Variants in MRPL35 observed in about 807,000 individuals in gnomAD.
The protein encoded by MRPL35 is mitochondrial ribosomal protein L35.
Under a neutral mutation model 21.6 loss-of-function variants are expected in MRPL35, and 18 were observed. The ratio of observed to expected loss-of-function variants is 0.83; its 90% CI spans 0.58 to 1.24. The LOEUF is 1.24. MRPL35 is among the 50% of genes most tolerant of loss of function. MRPL35 has a pLI of 0.00. For missense variants in MRPL35, 223 were observed against 223.2 expected (o/e 1.00, Z 0.01); for synonymous variants, 87 against 86.9 (o/e 1.00, Z -0.01).
chr2:86,203,329 C>T (rs1249249719), intron 1 of MRPL35, among the ~76,000 whole-genome samples: 2 of 152,010 alleles, frequency 1.3e-5, no homozygotes, highest in Non-Finnish European at 2.9e-5. Flanking sequence ...TCGTGATCTG[C>T]CTGCCTCGGC....
chr2:86,200,201 G>T (rs771151461), intron 1 of MRPL35, among the ~76,000 whole-genome samples: 12 of 151,970 alleles, frequency 7.9e-5, no homozygotes, highest in Admixed American at 1.3e-4. Context: ...ATATTGTTAG[G>T]ATAACATTTT....
Position 86,213,139 on chromosome 2 carries a change from C to CT in MRPL35, c.*2472dup. 1 of 986,316 alleles carries CT rather than the reference C, an allele frequency of 1.0e-6. No homozygotes were observed. The highest frequency in any genetic ancestry group is 1.2e-6 in the Non-Finnish European group (1 of 830,564). 61.1% of individuals were successfully genotyped at this position (986,316 alleles called of 1,614,324 possible). A position where few individuals can be genotyped will look rare whatever the true frequency, so the allele number is the denominator to read the frequency against. ...ACTCCTTGGGATCCTGTGTATTTCC[C>CT]TGAGTCTTCTAACATATGAAAATTC... On this transcript the variant is annotated 3_prime_UTR_variant, in exon 4 of 4. Transcript: ENST00000337109.
At chr2:86,208,718 G>A (rs962199855) in intron 3 of MRPL35, among the ~76,000 whole-genome samples, 2 of 151,976 alleles carry the variant, frequency 1.3e-5, no homozygotes, top group Non-Finnish European at 2.9e-5. Context: ...CTGGGCTCTG[G>A]GGCCCTCATG....
Position 86,212,608 on chromosome 2 carries a change from G to A in MRPL35, c.*1940G>A. The stretch of plus-strand genomic sequence containing the variant: ...ATGGATGACAAGGGTCTCTGTTACA[G>A]GGGCCTCAGAGCACCTTCGTTTCTC... On this transcript the variant is annotated 3_prime_UTR_variant, in exon 4 of 4. Coordinates refer to ENST00000337109, the MANE Select transcript of MRPL35 (RefSeq NM_016622.4). 7.1e-7 allele frequency: 1 copy of A among 1,417,772 alleles called. No homozygotes were observed. Among genetic ancestry groups the A allele is most frequent in the Non-Finnish European group, 9.2e-7 (1 of 1,087,624 alleles). 87.8% of individuals were successfully genotyped at this position (1,417,772 alleles called of 1,614,324 possible). A position where few individuals can be genotyped will look rare whatever the true frequency, so the allele number is the denominator to read the frequency against.
rs1673953665 is a variant in MRPL35, at chr2:86,213,458, T to C, written c.*2790T>C. The C allele has an allele frequency of 4.5e-6, 6 of 1,335,436 alleles. No individual in the cohort carries two copies. The highest frequency in any genetic ancestry group is 5.8e-6 in the Non-Finnish European group (6 of 1,037,520). 82.7% of individuals were successfully genotyped at this position (1,335,436 alleles called of 1,614,324 possible). ...TTTTGTCAAACATAGAATACAGGAC[T>C]AAAAATGCAAAGAAATTGGGTCTGT... On this transcript the variant is annotated 3_prime_UTR_variant, in exon 4 of 4. Transcript: ENST00000337109.
In MRPL35 at chr2:86,210,503, G is replaced by T. The variant is rs1673882470; in HGVS notation, c.402G>T (p.Trp134Cys). 1.2e-6 allele frequency: 2 copies of T among 1,607,264 alleles called. No homozygotes were observed. The highest frequency in any genetic ancestry group is 1.7e-6 in the Non-Finnish European group (2 of 1,177,638). ...RRKAGYKKKL[W>C]KKTPARKKRL... The stretch of plus-strand genomic sequence containing the variant: ...AGGCTGGCTATAAGAAAAAATTATG[G>T]AAAAAGACACCTGCAAGGAAGAAGC... The change falls in exon 4 of 4, where the codon TGG (tryptophan) becomes TGT (cysteine). Residue 134 changes from tryptophan (W) to cysteine (C), a missense_variant. Coordinates refer to ENST00000337109, the MANE Select transcript of MRPL35 (RefSeq NM_016622.4).
intron 3 of MRPL35, among the ~76,000 whole-genome samples, chr2:86,210,076 T>C (rs1430208419): frequency 6.6e-6 from 1 of 151,056 alleles, no homozygotes; most frequent in Non-Finnish European, 1.5e-5. Flanking sequence ...ATCAATGGTT[T>C]CTTTTTTTAA....
chr2:86,205,981 G>A (rs1281140214), intron 1 of MRPL35, 125 bp from the exon 2 acceptor site: 1 of 806,434 alleles, frequency 1.2e-6, no homozygotes, highest in East Asian at 2.5e-5. Context: ...AAGCTTCACA[G>A]ATGAGTCTGA....
At position 86,210,928 on chromosome 2, in the gene MRPL35, T is replaced by A. The variant is rs1370219981; in HGVS notation, c.*260T>A. The A allele has an allele frequency of 9.1e-7, 1 of 1,095,432 alleles. No individual in the cohort carries two copies. The highest frequency in any genetic ancestry group is 1.6e-5 in the African/African-American group (1 of 61,278). The allele number at this position is 1,095,432 out of a possible 1,614,324, so 67.9% of individuals were successfully genotyped here. On this transcript the variant is annotated 3_prime_UTR_variant, in exon 4 of 4. Transcript: ENST00000337109. ...AACTAGTTGTTTCAGTTATGCTCTTTTAGTTGCAAGGAATCTCAAGTGGGA... is the reference window on the plus strand; with the variant it reads ...AACTAGTTGTTTCAGTTATGCTCTTATAGTTGCAAGGAATCTCAAGTGGGA...
At chr2:86,207,425 G>C in intron 3 of MRPL35, 98 bp downstream of exon 3, 2 of 1,381,818 alleles carry the variant, frequency 1.4e-6, no homozygotes, top group Non-Finnish European at 1.9e-6. Flanking sequence ...TGGATCATAA[G>C]GTCAGGAGTT....
chr2:86,206,042 C>T, intron 1 of MRPL35, 64 bp from the exon 2 acceptor site: 1 of 1,381,034 alleles, frequency 7.2e-7, no homozygotes, highest in Non-Finnish European at 1.0e-6. Flanking sequence ...TGATACATCT[C>T]TTAATTTTTA....
At chr2:86,200,867 T>C (rs930268983) in intron 1 of MRPL35, among the ~76,000 whole-genome samples, 1 of 152,140 alleles carries the variant, frequency 6.6e-6, no homozygotes, top group Non-Finnish European at 1.5e-5. Flanking sequence ...GGTTTCTCCA[T>C]GTTGGTCAGG....
Position 86,199,459 on chromosome 2 carries a change from A to G in MRPL35, c.-32A>G, listed in dbSNP as rs200671665. 6.2e-7 allele frequency: 1 copy of G among 1,613,698 alleles called. No homozygotes were observed. The highest frequency in any genetic ancestry group is 2.2e-5 in the East Asian group (1 of 44,880). ...TTCTCTTTTGCTCTTGTGCTTTTAA[A>G]CCCAAAGCGGCCGCCGTAGGCGAAG... is the stretch of plus-strand genomic sequence containing the variant. On this transcript the variant is annotated 5_prime_UTR_variant, in exon 1 of 4. Coordinates refer to ENST00000337109, the MANE Select transcript of MRPL35 (RefSeq NM_016622.4).
At position 86,199,494 on chromosome 2, in the gene MRPL35, GCTGCCT is replaced by G; in HGVS notation, c.11_16del (p.Ser4_Ala5del). 1.2e-6 allele frequency: 2 copies of G among 1,614,124 alleles called. No homozygotes were observed. The highest frequency in any genetic ancestry group is 1.7e-6 in the Non-Finnish European group (2 of 1,180,034). ...GCCGCCGTAGGCGAAGGTGAAGATG[GCTGCCT>G]CTGCCTTTGCTGGTGCAGTGAGAGC... On this transcript the variant is annotated inframe_deletion, in exon 1 of 4. Coordinates refer to ENST00000337109, the MANE Select transcript of MRPL35 (RefSeq NM_016622.4).
In MRPL35 at chr2:86,206,277, C is replaced by A; in HGVS notation, c.215C>A (p.Thr72Asn). ...GAGAGAAACCTGACATGTGGGCATA[C>A]CTCAGTGATCCTTAATAGGTAGAGT... ...TSERNLTCGHTSVILNRMAPV... is the reference protein window; with the variant it reads ...TSERNLTCGHNSVILNRMAPV... Residue 72 changes from threonine to asparagine, a missense_variant, in exon 2 of 4, where the codon ACC becomes AAC. Physicochemically the swap from Thr to Asn is moderately conservative, Grantham distance 65. Coordinates refer to ENST00000337109, the MANE Select transcript of MRPL35 (RefSeq NM_016622.4). 6.8e-6 allele frequency: 11 copies of A among 1,612,854 alleles called. No homozygotes were observed. The highest frequency in any genetic ancestry group is 9.3e-6 in the Non-Finnish European group (11 of 1,179,182).
chr2:86,208,676 G>C (rs1439358198), intron 3 of MRPL35, among the ~76,000 whole-genome samples: 1 of 152,100 alleles, frequency 6.6e-6, no homozygotes, highest in Non-Finnish European at 1.5e-5. Flanking sequence ...AAATGGGTGG[G>C]TTTCCTTGCC....
At chr2:86,206,904 G>A (rs1673808745) in intron 2 of MRPL35, among the ~76,000 whole-genome samples, 1 of 152,200 alleles carries the variant, frequency 6.6e-6, no homozygotes, top group Non-Finnish European at 1.5e-5. Context: ...TCCTCAAGGA[G>A]TTTGCAATCT....
chr2:86,208,026 T>G (rs1558856351), intron 3 of MRPL35, among the ~76,000 whole-genome samples: 1 of 152,218 alleles, frequency 6.6e-6, no homozygotes, highest in African/African-American at 2.4e-5. Flanking sequence ...AAATCAAAAT[T>G]TGGTTCCCTG....
At position 86,211,287 on chromosome 2, in the gene MRPL35, A is replaced by G. The variant is rs1448558536; in HGVS notation, c.*619A>G. On this transcript the variant is annotated 3_prime_UTR_variant, in exon 4 of 4. Coordinates refer to ENST00000337109, the MANE Select transcript of MRPL35 (RefSeq NM_016622.4). ...TTGCACCTTTGAGGTTCTTTTCTACATGATGACCTTCAGCTCCTGCTGCTA... is the reference window on the plus strand; with the variant it reads ...TTGCACCTTTGAGGTTCTTTTCTACGTGATGACCTTCAGCTCCTGCTGCTA... 1 of 881,544 alleles carries G rather than the reference A, an allele frequency of 1.1e-6. No individual in the cohort carries two copies. The highest frequency in any genetic ancestry group is 1.4e-6 in the Non-Finnish European group (1 of 735,758). 54.6% of individuals were successfully genotyped at this position (881,544 alleles called of 1,614,324 possible). A position where few individuals can be genotyped will look rare whatever the true frequency, so the allele number is the denominator to read the frequency against.
Sources: allele counts gnomAD v4.1 joint callset (sites outside exome capture counted in the v4.1 genomes callset), GRCh38; gene constraint gnomAD v4.1.1; transcripts MANE v1.5; gene names NCBI Gene and HGNC (gene_info 2026-07-23, HGNC 2026-07-21).